Variants in CTNNA3 observed in about 807,000 individuals in gnomAD.
The protein encoded by CTNNA3 is catenin alpha-3.
CTNNA3 carries 76 observed loss-of-function variants against 95.7 expected under a neutral mutation model. The observed-to-expected ratio is 0.79, with a 90% CI of 0.66 to 0.96. The LOEUF is 0.96. CTNNA3 is among the 40% of genes least tolerant of loss of function. CTNNA3 has a pLI of 0.00. For synonymous variants in CTNNA3, 431 were observed against 374.4 expected (o/e 1.15, Z -1.74); for missense variants, 1,191 against 1,089.8 (o/e 1.09, Z -1.31).
intron 12 of CTNNA3, among the ~76,000 whole-genome samples, chr10:66,296,971 T>G (rs1314578875): frequency 1.3e-5 from 2 of 152,220 alleles, no homozygotes; most frequent in African/African-American, 4.8e-5. Context: ...TAGTAACGAC[T>G]GTTTTTCTTT....
intron 12 of CTNNA3, among the ~76,000 whole-genome samples, chr10:66,306,685 C>T (rs1307910561): frequency 6.6e-6 from 1 of 152,152 alleles, no homozygotes; most frequent in East Asian, 1.9e-4. Context: ...CCATCGAGTA[C>T]TTACGCTCTG....
At chr10:67,222,008 G>A (rs1310408903) in intron 5 of CTNNA3, among the ~76,000 whole-genome samples, 1 of 152,068 alleles carries the variant, frequency 6.6e-6, no homozygotes, top group East Asian at 1.9e-4. Flanking sequence ...GGTGCAAGGA[G>A]ATAGAAACTA....
At position 67,539,542 on chromosome 10, in the gene CTNNA3, G is replaced by A. The variant is rs1309070227; in HGVS notation, c.420C>T (p.Asp140=). The A allele has an allele frequency of 6.2e-7, 1 of 1,613,716 alleles. No homozygotes were observed. The highest frequency in any genetic ancestry group is 8.5e-7 in the Non-Finnish European group (1 of 1,179,746). The part of the protein sequence containing the change: ...AAVTRLLILA[D]MIDVMCLLQH... ...GCAAGAGGCACATGACATCAATCAT[G>A]TCCGCAAGGATAAGGAGTCTCGTCA... The change falls in exon 4 of 18, where the codon GAC becomes GAT. Residue 140 remains aspartate (D), a synonymous_variant. Transcript: ENST00000433211.
intron 9 of CTNNA3, among the ~76,000 whole-genome samples, chr10:66,735,257 G>A (rs1035349330): frequency 2.0e-5 from 3 of 151,644 alleles, no homozygotes; most frequent in Non-Finnish European, 4.4e-5. Context: ...AAATCAATTG[G>A]TAGCTTTCCA....
chr10:66,970,868 T>C (rs1276193373), intron 7 of CTNNA3, among the ~76,000 whole-genome samples: 1 of 152,152 alleles, frequency 6.6e-6, no homozygotes, highest in Admixed American at 6.5e-5. Flanking sequence ...CTTCTGTTTT[T>C]CAAGATAATA....
Position 67,210,441 on chromosome 10 carries a change from CAT to C in CTNNA3, c.843+9164_843+9165del, listed in dbSNP as rs776624106. Reference sequence around the variant, plus strand: ...AATTCAAACTAAAAAAAAGAAGACACATGTTCCTAATGTCATTCATCTATTGC... The same window carrying C: ...AATTCAAACTAAAAAAAAGAAGACACGTTCCTAATGTCATTCATCTATTGC... On this transcript the variant is annotated intron_variant, in intron 6 of 17. Transcript: ENST00000433211. Among the ~76,000 whole-genome samples, 241 of 152,186 alleles carry C rather than the reference CAT, an allele frequency of 1.6e-3. 1 individual carries two copies. The highest frequency in any genetic ancestry group is 2.3e-3 in the Non-Finnish European group (153 of 67,978).
intron 5 of CTNNA3, among the ~76,000 whole-genome samples, chr10:67,371,560 C>T (rs533154950): frequency 2.6e-5 from 4 of 151,734 alleles, no homozygotes; most frequent in South Asian, 4.2e-4. Context: ...GACATGAACT[C>T]ATCTTTCTTA....
At chr10:67,255,798 A>C (rs2132373621) in intron 5 of CTNNA3, among the ~76,000 whole-genome samples, 1 of 152,296 alleles carries the variant, frequency 6.6e-6, no homozygotes, top group Non-Finnish European at 1.5e-5. Context: ...ACATTTTCTC[A>C]TTTGATCCCA....
chr10:67,444,833 C>G (rs2132944034), intron 5 of CTNNA3, among the ~76,000 whole-genome samples: 1 of 151,976 alleles, frequency 6.6e-6, no homozygotes, highest in South Asian at 2.1e-4. Flanking sequence ...TACAACCTAC[C>G]AAGATTGAAC....
chr10:67,130,866 C>A (rs1385384530), intron 7 of CTNNA3, among the ~76,000 whole-genome samples: 1 of 151,988 alleles, frequency 6.6e-6, no homozygotes, highest in Admixed American at 6.6e-5. Context: ...CATTGGATAC[C>A]CTTTCTTCCT....
intron 7 of CTNNA3, among the ~76,000 whole-genome samples, chr10:67,082,610 C>A (rs2394324): frequency 0.54 from 81,761 of 151,938 alleles, 22,886 homozygotes; most frequent in African/African-American, 0.7. Context: ...CTTTGAATAA[C>A]TCAGCTGGCC....
rs201322402 is a variant in CTNNA3, at chr10:66,712,608, T to TCACACACACACACACACACACACACACA, written c.1281+53655_1281+53656insTGTGTGTGTGTGTGTGTGTGTGTGTGTG. Among the ~76,000 whole-genome samples the TCACACACACACACACACACACACACACA allele has an allele frequency of 1.6e-4, 25 of 151,618 alleles. No homozygotes were observed. The South Asian group carries it at 4.4e-3, about 27-fold the overall frequency. On this transcript the variant is annotated intron_variant, in intron 9 of 17. Transcript: ENST00000433211. ...CTCTCTCTCCCTCTCTCTCTCTCTC[T>TCACACACACACACACACACACACACACA]CACACACACAGCAAGAGACATTTGA...
At chr10:67,586,156 T>C (rs1388162001) in intron 3 of CTNNA3, among the ~76,000 whole-genome samples, 1 of 152,230 alleles carries the variant, frequency 6.6e-6, no homozygotes. Flanking sequence ...GGTATTGATT[T>C]CTAGTTCTAT....
chr10:67,246,644 A>C (rs1564509744), intron 5 of CTNNA3, among the ~76,000 whole-genome samples: 1 of 152,172 alleles, frequency 6.6e-6, no homozygotes, highest in Non-Finnish European at 1.5e-5. Flanking sequence ...ATTTACAGCA[A>C]TGATAACTGA....
chr10:67,129,021 C>A (rs780176612), intron 7 of CTNNA3, among the ~76,000 whole-genome samples: 2 of 151,860 alleles, frequency 1.3e-5, no homozygotes, highest in Non-Finnish European at 2.9e-5. Flanking sequence ...TAAAAGACTG[C>A]AAATATAAGG....
intron 7 of CTNNA3, chr10:66,928,483 A>G (rs551740691): frequency 5.8e-6 from 9 of 1,542,988 alleles, no homozygotes; most frequent in Non-Finnish European, 7.8e-6. Flanking sequence ...AAGAGCTCTT[A>G]AAAGCTGGGA....
intron 11 of CTNNA3, among the ~76,000 whole-genome samples, chr10:66,380,665 A>C (rs1323729421): frequency 1.3e-5 from 2 of 149,604 alleles, no homozygotes; most frequent in Non-Finnish European, 3.0e-5. Context: ...ATATAGTTAA[A>C]ATTTAAATGT....
intron 1 of CTNNA3, among the ~76,000 whole-genome samples, chr10:67,681,049 C>T (rs1840616528): frequency 6.6e-6 from 1 of 152,162 alleles, no homozygotes; most frequent in African/African-American, 2.4e-5. Flanking sequence ...CTTTAAAACT[C>T]TACTGAGGGT....
At chr10:66,317,380 A>T (rs1347826003) in intron 12 of CTNNA3, among the ~76,000 whole-genome samples, 1 of 152,106 alleles carries the variant, frequency 6.6e-6, no homozygotes, top group Admixed American at 6.6e-5. Flanking sequence ...ATACTTATAA[A>T]AAGAAATTTT....
Sources: gnomAD v4.1 joint callset for allele counts (sites outside exome capture counted in the v4.1 genomes callset) on GRCh38, gnomAD v4.1.1 for gene constraint, MANE v1.5 for transcripts, NCBI Gene and HGNC (gene_info 2026-07-23, HGNC 2026-07-21) for gene names.